ZNF469: variants seen among roughly 807,000 people sequenced by gnomAD.
ZNF469 encodes zinc finger protein 469.
ZNF469 carries 1 observed loss-of-function variant against 1.0 expected under a neutral mutation model. That is an observed-to-expected ratio of 1.00 (90% CI 0.35 to 4.73). The LOEUF (loss-of-function observed/expected upper bound fraction) is 4.73, where lower values mean the gene tolerates loss of function less well. Among genes scored for constraint, ZNF469 ranks in the 30% most tolerant of loss-of-function variants. The pLI, the probability that ZNF469 is intolerant of heterozygous loss-of-function variation, is 0.16. For missense variants in ZNF469, 6,100 were observed against 5,356.3 expected, an observed-to-expected ratio of 1.14 and a Z score of -4.33; for synonymous variants, 2,703 against 2,363.4, an observed-to-expected ratio of 1.14 and a Z score of -4.17.
At chr16:88,315,239 G>A in the ZNF469 span, among the ~76,000 whole-genome samples, 3 of 152,350 alleles carry the variant, frequency 2.0e-5, no homozygotes, top group East Asian at 3.9e-4. Flanking sequence ...ACGGGCGCAC[G>A]AGATCTGTGT....
At chr16:88,124,335 C>G in the ZNF469 span, among the ~76,000 whole-genome samples, 1 of 151,920 alleles carries the variant, frequency 6.6e-6, no homozygotes, top group African/African-American at 2.4e-5. Context: ...CTGGGCTCCT[C>G]CCACCTCAGC....
Position 88,437,424 on chromosome 16 carries a change from C to G in ZNF469, c.9954C>G (p.Gly3318=). The change falls in exon 3 of 3, where the codon GGC becomes GGG. Residue 3318 remains glycine, a synonymous_variant. Transcript: ENST00000565624. ...GCCCGTCCCCCGACCCCTGGGCCGG[C>G]GGGGAGCCCCTCCTGCAAGCCACCC... ...TPSPSPDPWA[G]GEPLLQATPV... 1 of 1,520,836 alleles carries G rather than the reference C, an allele frequency of 6.6e-7. No homozygotes were observed. Among genetic ancestry groups the G allele is most frequent in the Non-Finnish European group, 8.8e-7 (1 of 1,131,160 alleles). 94.2% of individuals were successfully genotyped at this position (1,520,836 alleles called of 1,614,324 possible). A position where few individuals can be genotyped will look rare whatever the true frequency, so the allele number is the denominator to read the frequency against.
the ZNF469 span, among the ~76,000 whole-genome samples, chr16:88,183,962 C>T: frequency 3.3e-5 from 5 of 151,962 alleles, 1 homozygote; most frequent in South Asian, 4.2e-4. Flanking sequence ...TCCTGGGGCT[C>T]TTCCTTGCCA....
At chr16:88,125,673 A>T in the ZNF469 span, among the ~76,000 whole-genome samples, 1 of 152,252 alleles carries the variant, frequency 6.6e-6, no homozygotes, top group Non-Finnish European at 1.5e-5. Context: ...AGAAGGATTT[A>T]TATGATCTGA....
At chr16:88,189,137 C>T in the ZNF469 span, among the ~76,000 whole-genome samples, 1 of 152,208 alleles carries the variant, frequency 6.6e-6, no homozygotes, top group Non-Finnish European at 1.5e-5. This position sits in a 1 kb window ranked among gnomAD's most constrained non-coding sequence, Gnocchi z 4.3. Context: ...AAGTGTAGCT[C>T]CTAACAGTCG....
chr16:88,165,355 G>C, the ZNF469 span, among the ~76,000 whole-genome samples: 1 of 152,212 alleles, frequency 6.6e-6, no homozygotes, highest in Admixed American at 6.5e-5. Flanking sequence ...CTTCAACCTG[G>C]TGTCCCCGAT....
rs759524656 is a variant in ZNF469 at position 88,428,936 on chromosome 16, C to T, written c.1466C>T (p.Pro489Leu). ...SAPLPWPQVLPTARPSPHGME... is the reference protein window; with the variant it reads ...SAPLPWPQVLLTARPSPHGME... ...CCCCTGCCTTGGCCCCAAGTGCTCC[C>T]GACCGCCCGGCCAAGTCCCCACGGA... The change falls in exon 3 of 3, where the codon CCG becomes CTG. Residue 489 changes from proline (P) to leucine (L), a missense_variant. Pro to Leu is a moderately conservative substitution (Grantham distance 98). Transcript: ENST00000565624. The T allele has an allele frequency of 3.9e-6, 6 of 1,546,558 alleles. No individual in the cohort carries two copies. The highest frequency in any genetic ancestry group is 1.4e-5 in the African/African-American group (1 of 73,078).
the ZNF469 span, among the ~76,000 whole-genome samples, chr16:88,290,862 C>A: frequency 6.6e-6 from 1 of 152,216 alleles, no homozygotes; most frequent in South Asian, 2.1e-4. Flanking sequence ...TCAGGCCACC[C>A]CCACCTTCAG....
chr16:88,208,927 A>G, the ZNF469 span, among the ~76,000 whole-genome samples: 1 of 150,892 alleles, frequency 6.6e-6, no homozygotes, highest in Admixed American at 6.6e-5. Context: ...TCTGCCCTCT[A>G]CCATTCTCAG....
the ZNF469 span, among the ~76,000 whole-genome samples, chr16:88,363,474 C>G: frequency 6.6e-6 from 1 of 152,202 alleles, no homozygotes; most frequent in Non-Finnish European, 1.5e-5. Context: ...TTATTTAGCC[C>G]CAGCCAGACT....
chr16:88,135,909 G>A, the ZNF469 span, among the ~76,000 whole-genome samples: 19 of 151,590 alleles, frequency 1.3e-4, no homozygotes, highest in Non-Finnish European at 2.1e-4. Context: ...TACAGGCGCC[G>A]GCCAACACGC....
chr16:88,224,219 C>G, the ZNF469 span, among the ~76,000 whole-genome samples: 14 of 152,214 alleles, frequency 9.2e-5, no homozygotes, highest in Admixed American at 8.5e-4. Context: ...CGCGGCCACA[C>G]ACAGAACCAG....
chr16:88,105,560 C>T, the ZNF469 span, among the ~76,000 whole-genome samples: 1 of 152,216 alleles, frequency 6.6e-6, no homozygotes, highest in African/African-American at 2.4e-5. Context: ...CTGCCTCGGC[C>T]TCCCAAAGTG....
At chr16:88,192,528 A>T in the ZNF469 span, among the ~76,000 whole-genome samples, 11 of 152,218 alleles carry the variant, frequency 7.2e-5, no homozygotes, top group Non-Finnish European at 1.6e-4. Flanking sequence ...ACTGGGTCTC[A>T]ACTCCCAGCT....
At chr16:88,107,342 C>T in the ZNF469 span, among the ~76,000 whole-genome samples, 2 of 152,240 alleles carry the variant, frequency 1.3e-5, no homozygotes, top group African/African-American at 2.4e-5. Flanking sequence ...GAAGAAGAAG[C>T]AAGAACCTTC....
At chr16:88,288,185 T>A in the ZNF469 span, among the ~76,000 whole-genome samples, 1 of 152,172 alleles carries the variant, frequency 6.6e-6, no homozygotes, top group Admixed American at 6.5e-5. Flanking sequence ...TATCTGTACC[T>A]TGCTCTTGTG....
the ZNF469 span, among the ~76,000 whole-genome samples, chr16:88,248,852 C>G: frequency 6.6e-6 from 1 of 152,154 alleles, no homozygotes; most frequent in African/African-American, 2.4e-5. Flanking sequence ...TGCCCTTTCT[C>G]CACTTCAAAG....
At chr16:88,422,637 G>C (rs980837249) in intron 1 of ZNF469, among the ~76,000 whole-genome samples, 1 of 144,206 alleles carries the variant, frequency 6.9e-6, no homozygotes, top group African/African-American at 2.6e-5. Flanking sequence ...GGATGGGTGG[G>C]TGAGTGATGG....
At chr16:88,110,767 G>C in the ZNF469 span, among the ~76,000 whole-genome samples, 3 of 152,262 alleles carry the variant, frequency 2.0e-5, no homozygotes, top group Non-Finnish European at 2.9e-5. Flanking sequence ...AGGGAGTGCT[G>C]TGCGGGTTGG....
Sources: gnomAD v4.1 joint callset for allele counts (sites outside exome capture counted in the v4.1 genomes callset) on GRCh38, gnomAD v4.1.1 for gene constraint, Gnocchi (gnomAD v3.1) non-coding constraint, MANE v1.5 for transcripts, NCBI Gene and HGNC (gene_info 2026-07-23, HGNC 2026-07-21) for gene names.